The following BMP2K variants were observed in gnomAD, a reference collection of about 807,000 sequenced individuals.
The protein encoded by BMP2K is BMP-2-inducible protein kinase.
A neutral mutation model predicts 116.0 loss-of-function variants in BMP2K; 74 were observed. That is an observed-to-expected ratio of 0.64 (90% CI 0.53 to 0.77). The LOEUF is 0.77. Ranked by LOEUF, BMP2K falls within the 30% of genes least tolerant of loss-of-function variation. The pLI is 0.00. For synonymous variants in BMP2K, 486 were observed against 502.5 expected (o/e 0.97, Z 0.44); for missense variants, 1,365 against 1,403.6 (o/e 0.97, Z 0.44).
chr4:78,780,904 G>T (rs1727473602), intron 1 of BMP2K, among the ~76,000 whole-genome samples: 1 of 152,184 alleles, frequency 6.6e-6, no homozygotes. Flanking sequence ...TAGACTGGGG[G>T]GTCAAGGAAG....
intron 11 of BMP2K, among the ~76,000 whole-genome samples, chr4:78,871,367 G>C (rs1487844329): frequency 2.0e-5 from 3 of 152,174 alleles, no homozygotes; most frequent in Admixed American, 1.3e-4. Flanking sequence ...TGAGTTCACA[G>C]ACTAATAATG....
chr4:78,911,141 C>T lies in BMP2K; in HGVS notation c.2594C>T (p.Ala865Val). ...GTATTTGGCGCTGTCCCCTTCTTTG[C>T]AGTGCGTGCTCAACAGCCCCAGCAA... ...FDVFGAVPFFAVRAQQPQQEK... is the reference protein window; with the variant it reads ...FDVFGAVPFFVVRAQQPQQEK... Residue 865 changes from alanine (A) to valine (V), a missense_variant, in exon 16 of 16, where the codon GCA becomes GTA. Physicochemically the swap from Ala to Val is moderately conservative, Grantham distance 64. Transcript: ENST00000502613. The T allele has an allele frequency of 1.2e-6, 2 of 1,613,990 alleles. No homozygotes were observed. The highest frequency in any genetic ancestry group is 1.3e-5 in the African/African-American group (1 of 75,046).
intron 10 of BMP2K, among the ~76,000 whole-genome samples, chr4:78,866,277 G>C (rs915952094): frequency 1.3e-5 from 2 of 152,140 alleles, no homozygotes; most frequent in African/African-American, 4.8e-5. Context: ...CGTAACATTT[G>C]AGTAAACTTA....
At chr4:78,907,752 C>A (rs1045137182) in intron 15 of BMP2K, among the ~76,000 whole-genome samples, 4 of 152,132 alleles carry the variant, frequency 2.6e-5, no homozygotes, top group African/African-American at 9.7e-5. Context: ...TTGCTTGAGA[C>A]CACAGAACTG....
chr4:78,776,900 C>G (rs1366568901), intron 1 of BMP2K, among the ~76,000 whole-genome samples, 179 bp downstream of exon 1: 1 of 152,152 alleles, frequency 6.6e-6, no homozygotes, highest in Non-Finnish European at 1.5e-5. Context: ...GCTTTTCTTG[C>G]CGCTGGCTGC....
At chr4:78,816,781 C>T (rs549003393) in intron 1 of BMP2K, among the ~76,000 whole-genome samples, 11 of 152,248 alleles carry the variant, frequency 7.2e-5, no homozygotes, top group East Asian at 1.9e-4. Flanking sequence ...AAATCAGAGG[C>T]GCTTGGTTAA....
chr4:78,812,536 A>G lies in BMP2K; in HGVS notation c.179-13501A>G, dbSNP rs968430129. Among the ~76,000 whole-genome samples, 5 of 152,124 alleles carry G rather than the reference A, an allele frequency of 3.3e-5. No homozygotes were observed. In the East Asian group the frequency reaches 9.6e-4, roughly 29 times the overall value. On this transcript the variant is annotated intron_variant, in intron 1 of 15. Coordinates refer to ENST00000502613, the MANE Select transcript of BMP2K (RefSeq NM_198892.2). The stretch of plus-strand genomic sequence containing the variant: ...GCCTACACCTTCTCTGTTGTCTGTC[A>G]AGACCTGTTAAAAGTCTGAAATTTT...
intron 1 of BMP2K, among the ~76,000 whole-genome samples, chr4:78,799,368 C>T (rs565956154): frequency 2.6e-5 from 4 of 151,824 alleles, no homozygotes; most frequent in East Asian, 1.9e-4. Flanking sequence ...TATGTAAATA[C>T]CCTTGCATTA....
chr4:78,889,663 G>A (rs537685814), intron 15 of BMP2K, among the ~76,000 whole-genome samples: 1 of 152,244 alleles, frequency 6.6e-6, no homozygotes, highest in East Asian at 1.9e-4. Context: ...CTCTACTAGC[G>A]TTGTGAGACT....
Position 78,877,769 on chromosome 4 carries a change from C to T in BMP2K, c.1794-965C>T, listed in dbSNP as rs186773917. ...TGCTATACTTTTATACAACTGGCAG[C>T]CCAGTAGGTGTGTTCAAATCAGCAT... On this transcript the variant is annotated intron_variant, in intron 13 of 15. Coordinates refer to ENST00000502613, the MANE Select transcript of BMP2K (RefSeq NM_198892.2). Among the ~76,000 whole-genome samples the T allele has an allele frequency of 2.0e-5, 3 of 152,208 alleles. No homozygotes were observed. The East Asian group carries it at 5.8e-4, about 29-fold the overall frequency.
chr4:78,790,684 C>G (rs1430079241), intron 1 of BMP2K, among the ~76,000 whole-genome samples: 2 of 152,062 alleles, frequency 1.3e-5, no homozygotes, highest in Non-Finnish European at 2.9e-5. Context: ...AAGAAGAATT[C>G]ATCTAGTGTC....
intron 9 of BMP2K, among the ~76,000 whole-genome samples, chr4:78,863,060 TTTGA>T (rs1298619078): frequency 9.9e-5 from 15 of 152,054 alleles, no homozygotes; most frequent in Non-Finnish European, 7.4e-5. Flanking sequence ...AGAATGATGA[TTTGA>T]TTATTTTTTC....
At chr4:78,879,081 T>C (rs1732776216) in intron 14 of BMP2K, 190 bp downstream of exon 14, 1 of 1,351,044 alleles carries the variant, frequency 7.4e-7, no homozygotes, top group South Asian at 2.1e-5. Flanking sequence ...AGTTGCTTGA[T>C]AGTAGCTATT....
chr4:78,828,650 G>A (rs955513423), intron 2 of BMP2K, among the ~76,000 whole-genome samples: 4 of 152,164 alleles, frequency 2.6e-5, no homozygotes, highest in Admixed American at 6.5e-5. Flanking sequence ...AGGGCTTTGG[G>A]AGTTACGAAC....
chr4:78,886,863 G>A (rs1733121071), intron 14 of BMP2K, among the ~76,000 whole-genome samples: 1 of 152,100 alleles, frequency 6.6e-6, no homozygotes, highest in Non-Finnish European at 1.5e-5. Flanking sequence ...TTATTTAGCT[G>A]GGTTTGAGTT....
intron 14 of BMP2K, among the ~76,000 whole-genome samples, chr4:78,881,603 C>T (rs1732887307): frequency 6.6e-6 from 1 of 152,028 alleles, no homozygotes; most frequent in Non-Finnish European, 1.5e-5. Context: ...ATCTTTAGCA[C>T]CTCTTTCAGA....
At chr4:78,781,795 T>A (rs1727517702) in intron 1 of BMP2K, among the ~76,000 whole-genome samples, 1 of 152,162 alleles carries the variant, frequency 6.6e-6, no homozygotes. Context: ...GCCCACTCTT[T>A]CAGTGATACA....
At chr4:78,829,093 C>T (rs962847754) in intron 2 of BMP2K, among the ~76,000 whole-genome samples, 1 of 152,220 alleles carries the variant, frequency 6.6e-6, no homozygotes, top group Non-Finnish European at 1.5e-5. Context: ...AAGTTTGCCA[C>T]ATCAGTTGAC....
At chr4:78,907,651 T>C (rs1734354310) in intron 15 of BMP2K, among the ~76,000 whole-genome samples, 1 of 152,224 alleles carries the variant, frequency 6.6e-6, no homozygotes, top group Non-Finnish European at 1.5e-5. Context: ...TTAGATTCTT[T>C]TGTGTAGGAC....
Sources: allele counts gnomAD v4.1 joint callset (sites outside exome capture counted in the v4.1 genomes callset), GRCh38; gene constraint gnomAD v4.1.1; transcripts MANE v1.5; gene names NCBI Gene and HGNC (gene_info 2026-07-23, HGNC 2026-07-21).